Variants in KIF3C observed in about 807,000 individuals in gnomAD.
KIF3C encodes kinesin family member 3C, also known as kinesin-like protein KIF3C.
A neutral mutation model predicts 67.7 loss-of-function variants in KIF3C; 12 were observed. The ratio of observed to expected loss-of-function variants is 0.18; its 90% CI spans 0.11 to 0.29. The LOEUF is 0.29. Ranked by LOEUF, KIF3C falls within the 10% of genes least tolerant of loss-of-function variation. KIF3C has a pLI of 1.00. For missense variants in KIF3C, 789 were observed against 1,059.6 expected (o/e 0.74, Z 3.55); for synonymous variants, 393 against 426.2 (o/e 0.92, Z 0.96).
Position 25,982,052 on chromosome 2 carries a change from G to T in KIF3C, c.-135C>A. The T allele has an allele frequency of 1.5e-6, 1 of 672,170 alleles. No individual in the cohort carries two copies. The highest frequency in any genetic ancestry group is 2.4e-6 in the Non-Finnish European group (1 of 412,328). The allele number at this position is 672,170 out of a possible 1,614,324, so 41.6% of individuals were successfully genotyped here. On this transcript the variant is annotated 5_prime_UTR_variant, in exon 1 of 8. Coordinates refer to ENST00000264712, the MANE Select transcript of KIF3C (RefSeq NM_002254.8). ...TCTTCAATCCGCATGCAGCCTCCTA[G>T]GGTGGGGACGCTGGGAGGTGGCCCC...
At chr2:25,962,115 T>C (rs565795644) in intron 1 of KIF3C, among the ~76,000 whole-genome samples, 1 of 152,168 alleles carries the variant, frequency 6.6e-6, no homozygotes, top group East Asian at 1.9e-4. Flanking sequence ...ACAGCAGCAG[T>C]TTTTAGGACA....
intron 1 of KIF3C, among the ~76,000 whole-genome samples, chr2:25,963,665 G>T (rs920158272): frequency 5.6e-5 from 7 of 125,870 alleles, no homozygotes; most frequent in African/African-American, 2.2e-4. Flanking sequence ...TAGGCATGAA[G>T]TATTATTATT....
In KIF3C at chr2:25,980,679, C is replaced by T; in HGVS notation, c.1239G>A (p.Lys413=). The change falls in exon 1 of 8, where the codon AAG becomes AAA. Residue 413 remains lysine, a synonymous_variant. Transcript: ENST00000264712. The surrounding 1 kb of genome is among the most constrained non-coding windows in gnomAD (Gnocchi z 7.6). Reference sequence around the variant, plus strand: ...GGTACCCAGGCGGGGCGGACACGGCCTTCTTCCTGCGGCTGCTCTTCCTCC... The same window carrying T: ...GGTACCCAGGCGGGGCGGACACGGCTTTCTTCCTGCGGCTGCTCTTCCTCC... ...RPRRKSSRRK[K]AVSAPPGYPE... 1.9e-6 allele frequency: 3 copies of T among 1,614,162 alleles called. No individual in the cohort carries two copies.
At chr2:25,936,002 G>A (rs905070106) in intron 5 of KIF3C, among the ~76,000 whole-genome samples, 5 of 151,590 alleles carry the variant, frequency 3.3e-5, no homozygotes, top group South Asian at 4.2e-4. Flanking sequence ...CTGGAGAATC[G>A]CTTGAACCCG....
chr2:25,981,657 C>G lies in KIF3C; in HGVS notation c.261G>C (p.Gln87His). Residue 87 changes from glutamine to histidine, a missense_variant, in exon 1 of 8, where the codon CAG (glutamine) becomes CAC (histidine). By Grantham distance (24) the Gln-to-His change is conservative. Transcript: ENST00000264712. The surrounding 1 kb of genome is among the most constrained non-coding windows in gnomAD (Gnocchi z 8.2). ...TVRPLIDSVL[Q>H]GFNGTVFAYG... Reference sequence around the variant, plus strand: ...AGGCAAACACCGTGCCATTGAAACCCTGGAGCACGGAGTCTATCAGGGGCC... The same window carrying G: ...AGGCAAACACCGTGCCATTGAAACCGTGGAGCACGGAGTCTATCAGGGGCC... The G allele has an allele frequency of 6.2e-7, 1 of 1,614,182 alleles. No individual in the cohort carries two copies. Among genetic ancestry groups the G allele is most frequent in the Non-Finnish European group, 8.5e-7 (1 of 1,180,042 alleles).
chr2:25,952,013 T>C (rs41285967), intron 4 of KIF3C, 108 bp from the exon 5 acceptor site: 170,437 of 765,236 alleles, frequency 0.22, 21,504 homozygotes, highest in African/African-American at 0.43. Context: ...CAGAGGGGGC[T>C]GGGCACGGTG....
intron 1 of KIF3C, among the ~76,000 whole-genome samples, chr2:25,956,822 G>T (rs1663817638): frequency 6.6e-6 from 1 of 152,212 alleles, no homozygotes; most frequent in South Asian, 2.1e-4. Context: ...ATAAGATACA[G>T]TCACCAGGTA....
At chr2:25,951,618 C>T in intron 5 of KIF3C, 171 bp downstream of exon 5, 2 of 573,384 alleles carry the variant, frequency 3.5e-6, no homozygotes, top group Non-Finnish European at 3.1e-6. Flanking sequence ...ATCATAGAGA[C>T]CCCTACAATT....
intron 5 of KIF3C, among the ~76,000 whole-genome samples, chr2:25,946,985 C>T (rs1450396612): frequency 1.2e-4 from 18 of 151,704 alleles, no homozygotes; most frequent in Admixed American, 7.9e-4. Flanking sequence ...AACCCTGTCT[C>T]TACTAAAAAT....
intron 5 of KIF3C, 150 bp from the exon 6 acceptor site, chr2:25,930,213 C>A: frequency 1.6e-6 from 1 of 639,070 alleles, no homozygotes; most frequent in South Asian, 1.9e-5. Flanking sequence ...TACAGCTTGA[C>A]AACTGAAGCT....
rs537690310 is a variant in KIF3C at position 25,927,821 on chromosome 2, A to G, written c.*1157T>C. 1.3e-5 allele frequency: 2 copies of G among 152,716 alleles called. No individual in the cohort carries two copies. The highest frequency in any genetic ancestry group is 3.9e-4 in the East Asian group (2 of 5,188). 9.5% of individuals were successfully genotyped at this position (152,716 alleles called of 1,614,324 possible). A position where few individuals can be genotyped will look rare whatever the true frequency, so the allele number is the denominator to read the frequency against. ...TTTACTTATCACTTGAGATACCTAGAGACATTTTGGGCCATCACAAAGGAA... is the reference window on the plus strand; with the variant it reads ...TTTACTTATCACTTGAGATACCTAGGGACATTTTGGGCCATCACAAAGGAA... On this transcript the variant is annotated 3_prime_UTR_variant, in exon 8 of 8. Transcript: ENST00000264712.
rs1481473988 is a variant in KIF3C, at chr2:25,958,812, C to G, written c.1546-2368G>C. Among the ~76,000 whole-genome samples the G allele has an allele frequency of 6.6e-6, 1 of 151,998 alleles. No homozygotes were observed. Among genetic ancestry groups the G allele is most frequent in the Non-Finnish European group, 1.5e-5 (1 of 68,004 alleles). On this transcript the variant is annotated intron_variant, in intron 1 of 7. Coordinates refer to ENST00000264712, the MANE Select transcript of KIF3C (RefSeq NM_002254.8). The surrounding 1 kb of genome is among the most constrained non-coding windows in gnomAD (Gnocchi z 4.5). ...CCTGGGGGCCCGGTGCGGTGGCTAG[C>G]GCCTGTAATCCCGGCACTTTGGGAG...
chr2:25,961,711 T>C (rs866657431), intron 1 of KIF3C, among the ~76,000 whole-genome samples: 2 of 152,312 alleles, frequency 1.3e-5, no homozygotes, highest in Middle Eastern at 3.4e-3. Context: ...TATAAAACCA[T>C]GATGTGGCTG....
intron 5 of KIF3C, among the ~76,000 whole-genome samples, chr2:25,947,954 T>C (rs1663489970): frequency 6.6e-6 from 1 of 152,226 alleles, no homozygotes; most frequent in Non-Finnish European, 1.5e-5. Flanking sequence ...GGCATGATCC[T>C]AGCTTACAAT....
chr2:25,965,969 A>G (rs1041914012), intron 1 of KIF3C, among the ~76,000 whole-genome samples: 4 of 152,052 alleles, frequency 2.6e-5, no homozygotes, highest in Admixed American at 6.6e-5. Flanking sequence ...CTCACTTGAG[A>G]GATGGATATG....
At position 25,929,416 on chromosome 2, in the gene KIF3C, AATT is replaced by A; in HGVS notation, c.2174_2176del (p.Glu725_Phe726delinsVal). The A allele has an allele frequency of 1.2e-6, 2 of 1,614,032 alleles. No homozygotes were observed. Among genetic ancestry groups the A allele is most frequent in the Admixed American group, 3.3e-5 (2 of 60,012 alleles). ...AGGGTCTTGTTCTTGGTCGTGAGAG[AATT>A]CCATCTCAAAGACAGCTGGAGGGGA... On this transcript the variant is annotated inframe_deletion, in exon 7 of 8. Transcript: ENST00000264712.
At chr2:25,952,044 C>T in intron 4 of KIF3C, 139 bp from the exon 5 acceptor site, 3 of 627,762 alleles carry the variant, frequency 4.8e-6, no homozygotes, top group Non-Finnish European at 8.7e-6. Context: ...GTAATCCCAG[C>T]ACTTTGGGAG....
In KIF3C at chr2:25,954,260, G is replaced by A. The variant is rs778085989; in HGVS notation, c.1889+7C>T. On this transcript the variant is annotated splice_region_variant and intron_variant, in intron 4 of 7. Transcript: ENST00000264712. ...GGACCCGGGATGAAAAGAGCTGCGG[G>A]CCCTACTTGAGCTTGAGTTCGCGGG... The A allele has an allele frequency of 2.5e-6, 4 of 1,603,842 alleles. No individual in the cohort carries two copies. In the South Asian group the frequency reaches 4.4e-5, roughly 18 times the overall value.
intron 1 of KIF3C, among the ~76,000 whole-genome samples, chr2:25,973,233 C>G (rs563819438): frequency 6.6e-6 from 1 of 152,160 alleles, no homozygotes; most frequent in Non-Finnish European, 1.5e-5. Flanking sequence ...CATGACTTTA[C>G]TGGGGCATGA....
Sources: allele counts gnomAD v4.1 joint callset (sites outside exome capture counted in the v4.1 genomes callset), GRCh38; gene constraint gnomAD v4.1.1; non-coding constraint Gnocchi (gnomAD v3.1); transcripts MANE v1.5; gene names NCBI Gene and HGNC (gene_info 2026-07-23, HGNC 2026-07-21).